SPMIP2: variants seen among roughly 807,000 people sequenced by gnomAD.
SPMIP2 encodes the protein sperm microtubule inner protein 2.
At chr4:159,070,245 A>G in the SPMIP2 span, among the ~76,000 whole-genome samples, 721 of 152,340 alleles carry the variant, frequency 4.7e-3, 8 homozygotes, top group African/African-American at 0.017. Flanking sequence ...TAAAACCACA[A>G]TGTAATGACA....
chr4:158,967,478 G>A, the SPMIP2 span, among the ~76,000 whole-genome samples: 45 of 152,230 alleles, frequency 3.0e-4, no homozygotes, highest in African/African-American at 9.6e-4. Context: ...TAAAAAGTGA[G>A]AACTAAACAC....
the SPMIP2 span, among the ~76,000 whole-genome samples, chr4:158,990,732 T>C: frequency 1.3e-5 from 2 of 151,934 alleles, no homozygotes; most frequent in Admixed American, 6.6e-5. Flanking sequence ...TTGGGTCCCA[T>C]TGAGGGGTGA....
chr4:158,900,659 C>T, the SPMIP2 span, among the ~76,000 whole-genome samples: 1 of 152,138 alleles, frequency 6.6e-6, no homozygotes, highest in African/African-American at 2.4e-5. Flanking sequence ...ACTACAACCC[C>T]TACTTTTTTT....
At chr4:159,011,676 C>T in the SPMIP2 span, among the ~76,000 whole-genome samples, 7 of 151,566 alleles carry the variant, frequency 4.6e-5, no homozygotes, top group East Asian at 1.4e-3. Flanking sequence ...ATCGCTTGAA[C>T]CTGGGAGGCG....
At chr4:159,031,943 C>T in the SPMIP2 span, among the ~76,000 whole-genome samples, 1 of 152,048 alleles carries the variant, frequency 6.6e-6, no homozygotes, top group Non-Finnish European at 1.5e-5. Flanking sequence ...TGATGGGGGC[C>T]GGTTGTGGTG....
At chr4:158,923,020 A>G in the SPMIP2 span, among the ~76,000 whole-genome samples, 4 of 152,350 alleles carry the variant, frequency 2.6e-5, no homozygotes, top group African/African-American at 7.2e-5. Flanking sequence ...CAAAAAGACT[A>G]TTTTAACATA....
chr4:158,985,518 A>G, the SPMIP2 span, among the ~76,000 whole-genome samples: 1 of 152,210 alleles, frequency 6.6e-6, no homozygotes, highest in Admixed American at 6.5e-5. Context: ...TATAAACAGA[A>G]CCAAAGACAA....
the SPMIP2 span, among the ~76,000 whole-genome samples, chr4:158,984,828 A>T: frequency 6.6e-6 from 1 of 151,886 alleles, no homozygotes; most frequent in African/African-American, 2.4e-5. Context: ...CCTTCAAAAA[A>T]TTAATGAATC....
the SPMIP2 span, among the ~76,000 whole-genome samples, chr4:158,951,261 T>C: frequency 6.6e-6 from 1 of 152,218 alleles, no homozygotes; most frequent in Non-Finnish European, 1.5e-5. Context: ...GGCAATTTCA[T>C]CACTGTGTGC....
the SPMIP2 span, among the ~76,000 whole-genome samples, chr4:159,067,902 TG>T: frequency 9.9e-5 from 15 of 151,976 alleles, no homozygotes; most frequent in African/African-American, 3.6e-4. Context: ...AAAAAACACA[TG>T]AAAAAAATGC....
chr4:159,044,481 A>G, the SPMIP2 span, among the ~76,000 whole-genome samples: 1 of 151,950 alleles, frequency 6.6e-6, no homozygotes. Flanking sequence ...CACAACCTAG[A>G]TGGGAGAAGT....
the SPMIP2 span, among the ~76,000 whole-genome samples, chr4:158,920,633 T>C: frequency 6.6e-6 from 1 of 152,184 alleles, no homozygotes; most frequent in Non-Finnish European, 1.5e-5. Flanking sequence ...AAATTTGTGG[T>C]CAAACCGGTT....
the SPMIP2 span, among the ~76,000 whole-genome samples, chr4:159,030,429 A>C: frequency 6.6e-6 from 1 of 151,894 alleles, no homozygotes; most frequent in Non-Finnish European, 1.5e-5. Flanking sequence ...AAAAAAAAAG[A>C]GTAGTGTTAT....
chr4:159,065,967 C>T, the SPMIP2 span, among the ~76,000 whole-genome samples: 1 of 152,202 alleles, frequency 6.6e-6, no homozygotes, highest in Non-Finnish European at 1.5e-5. Flanking sequence ...AGAGTCCTCT[C>T]TGCTATGTGG....
chr4:159,045,362 T>C, the SPMIP2 span, among the ~76,000 whole-genome samples: 1 of 9,794 alleles, frequency 1.0e-4, no homozygotes, highest in African/African-American at 3.6e-4. Context: ...TTGAGATACA[T>C]TATTTATTTT....
chr4:159,009,390 C>T, the SPMIP2 span, among the ~76,000 whole-genome samples: 1 of 152,172 alleles, frequency 6.6e-6, no homozygotes, highest in Non-Finnish European at 1.5e-5. Flanking sequence ...CCAAGTGATT[C>T]TGATGCATCA....
At chr4:159,045,332 G>A in the SPMIP2 span, among the ~76,000 whole-genome samples, 2 of 103,220 alleles carry the variant, frequency 1.9e-5, no homozygotes, top group Non-Finnish European at 2.1e-5. Context: ...TTTATAAAAT[G>A]TATAAAAGCT....
chr4:158,949,536 G>A, the SPMIP2 span, among the ~76,000 whole-genome samples: 5 of 152,336 alleles, frequency 3.3e-5, no homozygotes, highest in East Asian at 1.9e-4. Flanking sequence ...AATTCAGGAA[G>A]TCTGTCTTTA....
chr4:158,976,659 A>ATTTTTTTTTTTTTTTTTT, the SPMIP2 span, among the ~76,000 whole-genome samples: 1 of 94,732 alleles, frequency 1.1e-5, no homozygotes, highest in African/African-American at 4.8e-5. Flanking sequence ...ATGGATAAGC[A>ATTTTTTTTTTTTTTTTTT]TTTTTTTTTT....
Sources: allele counts gnomAD v4.1 joint callset (sites outside exome capture counted in the v4.1 genomes callset), GRCh38; gene constraint gnomAD v4.1.1; transcripts MANE v1.5; gene names NCBI Gene and HGNC (gene_info 2026-07-23, HGNC 2026-07-21).